Variants in IKZF2 observed in about 807,000 individuals in gnomAD.
IKZF2 encodes the protein IKAROS family zinc finger 2, also known as zinc finger protein Helios.
IKZF2 carries 15 observed loss-of-function variants against 49.2 expected under a neutral mutation model. The observed-to-expected ratio is 0.30, with a 90% CI of 0.20 to 0.47. IKZF2 has a LOEUF of 0.47. IKZF2 is among the 20% of genes least tolerant of loss of function. IKZF2 has a pLI of 1.00. For synonymous variants in IKZF2, 227 were observed against 221.4 expected (o/e 1.03, Z -0.23); for missense variants, 567 against 664.6 (o/e 0.85, Z 1.61).
Position 213,013,816 on chromosome 2 carries a change from T to C in IKZF2, c.831A>G (p.Lys277=), listed in dbSNP as rs770585272. ...EKLTGNMGKR[K]SSTPQKFVGE... ...CCACAAACTTTTGTGGAGTGGAGCTTTTACGTTTTCCCATATTCCCCGTGA... is the reference window on the plus strand; with the variant it reads ...CCACAAACTTTTGTGGAGTGGAGCTCTTACGTTTTCCCATATTCCCCGTGA... The change falls in exon 8 of 9, where the codon AAA becomes AAG. Residue 277 remains lysine (K), a synonymous_variant. Transcript: ENST00000434687. 2 of 1,611,208 alleles carry C rather than the reference T, an allele frequency of 1.2e-6. No homozygotes were observed. The highest frequency in any genetic ancestry group is 3.3e-5 in the Admixed American group (2 of 59,758).
At chr2:213,024,398 G>A (rs1697569377) in intron 6 of IKZF2, among the ~76,000 whole-genome samples, 2 of 152,086 alleles carry the variant, frequency 1.3e-5, no homozygotes, top group African/African-American at 4.8e-5. Context: ...AAATTCCCAT[G>A]GTGCCTATCC....
At chr2:213,084,063 G>T (rs75672053) in intron 4 of IKZF2, among the ~76,000 whole-genome samples, 3,287 of 152,176 alleles carry the variant, frequency 0.022, 124 homozygotes, top group African/African-American at 0.075. Context: ...TTTGGAGTAA[G>T]TCAGGCCTCA....
intron 4 of IKZF2, among the ~76,000 whole-genome samples, chr2:213,120,861 C>A (rs1403471356): frequency 6.6e-6 from 1 of 152,086 alleles, no homozygotes; most frequent in African/African-American, 2.4e-5. Context: ...TCACCTCAGC[C>A]CCTCAAGTAG....
At chr2:213,126,698 A>C (rs1255293659) in intron 4 of IKZF2, among the ~76,000 whole-genome samples, 1 of 152,196 alleles carries the variant, frequency 6.6e-6, no homozygotes, top group African/African-American at 2.4e-5. Context: ...GTCATATGGT[A>C]CAAGGGAACA....
At chr2:213,098,750 C>A (rs952081192) in intron 4 of IKZF2, among the ~76,000 whole-genome samples, 1 of 152,074 alleles carries the variant, frequency 6.6e-6, no homozygotes, top group Non-Finnish European at 1.5e-5. Context: ...CACTCTGTCC[C>A]GGTTAAAACC....
At chr2:213,026,265 T>C (rs1697809434) in intron 6 of IKZF2, among the ~76,000 whole-genome samples, 1 of 152,096 alleles carries the variant, frequency 6.6e-6, no homozygotes, top group African/African-American at 2.4e-5. Flanking sequence ...CCTCCTTAAC[T>C]CTGTTCCATT....
intron 5 of IKZF2, among the ~76,000 whole-genome samples, chr2:213,052,379 T>C (rs1700756324): frequency 6.6e-6 from 1 of 152,176 alleles, no homozygotes; most frequent in Non-Finnish European, 1.5e-5. Context: ...AAAAGGGGCA[T>C]TGAAAATAAT....
intron 5 of IKZF2, among the ~76,000 whole-genome samples, chr2:213,053,593 ATGTACAAAAT>A (rs1225499614): frequency 6.6e-6 from 1 of 152,180 alleles, no homozygotes; most frequent in African/African-American, 2.4e-5. Context: ...CAAAGCTGCA[ATGTACAAAAT>A]ACGGTGCTGA....
upstream of IKZF2, among the ~76,000 whole-genome samples, chr2:213,151,866 CGCGGGCTGGCGGGCGCGT>C (rs1015178752): frequency 2.7e-5 from 4 of 150,208 alleles, no homozygotes; most frequent in African/African-American, 9.7e-5. Flanking sequence ...TGCGCGCGCG[CGCGGGCTGGCGGGCGCGT>C]GTGCGCGTGT....
intron 4 of IKZF2, among the ~76,000 whole-genome samples, chr2:213,137,955 G>A (rs1216580833): frequency 1.3e-5 from 2 of 152,056 alleles, no homozygotes; most frequent in African/African-American, 2.4e-5. Flanking sequence ...CAAGGGTAAG[G>A]AGAACTACAG....
In IKZF2 at chr2:213,006,803, A is replaced by G. The variant is rs1695380900; in HGVS notation, c.*557T>C. ...GAATTATAAATTCCATAGGGGAAGT[A>G]AACATAGAACCCACAACAACTCAGC... On this transcript the variant is annotated 3_prime_UTR_variant, in exon 9 of 9. Transcript: ENST00000434687. 1 of 153,654 alleles carries G rather than the reference A, an allele frequency of 6.5e-6. No individual in the cohort carries two copies. The highest frequency in any genetic ancestry group is 1.5e-5 in the Non-Finnish European group (1 of 68,872). 9.5% of individuals were successfully genotyped at this position (153,654 alleles called of 1,614,324 possible). A position where few individuals can be genotyped will look rare whatever the true frequency, so the allele number is the denominator to read the frequency against.
At chr2:213,085,233 C>A (rs111686260) in intron 4 of IKZF2, among the ~76,000 whole-genome samples, 2,156 of 152,238 alleles carry the variant, frequency 0.014, 26 homozygotes, top group Middle Eastern at 0.024. Flanking sequence ...TGAGCTCCTT[C>A]TTTTATTAAA....
intron 4 of IKZF2, among the ~76,000 whole-genome samples, 186 bp from the exon 5 acceptor site, chr2:213,057,285 A>C (rs1324760376): frequency 2.0e-5 from 3 of 152,190 alleles, no homozygotes; most frequent in African/African-American, 7.2e-5. Context: ...ATGTCATGGA[A>C]GTGAAGATAG....
chr2:213,133,801 T>C (rs568691933), intron 4 of IKZF2, among the ~76,000 whole-genome samples: 2 of 152,236 alleles, frequency 1.3e-5, no homozygotes, highest in East Asian at 1.9e-4. Flanking sequence ...CTGACACTGG[T>C]TGCATAAATA....
intron 6 of IKZF2, among the ~76,000 whole-genome samples, chr2:213,028,448 C>T (rs969533130): frequency 2.6e-5 from 4 of 152,102 alleles, no homozygotes; most frequent in Non-Finnish European, 5.9e-5. Context: ...CTGACAGACT[C>T]GATTTCAGGA....
At chr2:213,151,864 C>CGCGCGGGCTGGCGGGCGCGTGT, upstream of IKZF2, among the ~76,000 whole-genome samples, 1 of 150,300 alleles carries the variant, frequency 6.7e-6, no homozygotes, top group Non-Finnish European at 1.5e-5. Flanking sequence ...TGTGCGCGCG[C>CGCGCGGGCTGGCGGGCGCGTGT]GCGCGGGCTG....
rs546941544 is a variant in IKZF2 at position 213,068,695 on chromosome 2, G to A, written c.140-11596C>T. 4.2e-4 allele frequency among the ~76,000 whole-genome samples: 64 copies of A among 152,128 alleles called. 2 individuals are homozygous for A. In the South Asian group the frequency reaches 6.4e-3, roughly 15 times the overall value. On this transcript the variant is annotated intron_variant, in intron 4 of 8. Coordinates refer to ENST00000434687, the MANE Select transcript of IKZF2 (RefSeq NM_001387220.1). Reference sequence around the variant, plus strand: ...CATGCCTAATTCTATGTGTTCAGGTGTTTCTGAGGGTCATAGGTAAAAGCA... The same window carrying A: ...CATGCCTAATTCTATGTGTTCAGGTATTTCTGAGGGTCATAGGTAAAAGCA...
chr2:213,077,514 T>C (rs1338782081), intron 4 of IKZF2, among the ~76,000 whole-genome samples: 1 of 150,554 alleles, frequency 6.6e-6, no homozygotes, highest in Admixed American at 6.6e-5. Context: ...TTAACATCTT[T>C]GCAATTTGTT....
At chr2:213,121,882 T>C (rs1186960927) in intron 4 of IKZF2, among the ~76,000 whole-genome samples, 1 of 152,124 alleles carries the variant, frequency 6.6e-6, no homozygotes, top group Non-Finnish European at 1.5e-5. Flanking sequence ...ATGCACAAAC[T>C]CCCTGGCTGA....
Sources: allele counts gnomAD v4.1 joint callset (sites outside exome capture counted in the v4.1 genomes callset), GRCh38; gene constraint gnomAD v4.1.1; transcripts MANE v1.5; gene names NCBI Gene and HGNC (gene_info 2026-07-23, HGNC 2026-07-21).